LIPA: variants seen among roughly 807,000 people sequenced by gnomAD.
LIPA encodes the protein lipase A, lysosomal acid type, also known as lysosomal acid lipase/cholesteryl ester hydrolase.
Under a neutral mutation model 40.6 loss-of-function variants are expected in LIPA, and 26 were observed. That is an observed-to-expected ratio of 0.64 (90% CI 0.47 to 0.89). The LOEUF (loss-of-function observed/expected upper bound fraction) is 0.89, where lower values mean the gene tolerates loss of function less well. Ranked by LOEUF, LIPA falls within the 40% of genes least tolerant of loss-of-function variation. LIPA has a pLI of 0.00. For missense variants in LIPA, 455 were observed against 479.6 expected (o/e 0.95, Z 0.48); for synonymous variants, 188 against 168.4 (o/e 1.12, Z -0.90).
chr10:89,323,214 G>T (rs2133533812), intron 1 of LIPA, among the ~76,000 whole-genome samples: 1 of 152,222 alleles, frequency 6.6e-6, no homozygotes. Flanking sequence ...AATAGATACA[G>T]AAAAGGCTTT....
intron 2 of LIPA, among the ~76,000 whole-genome samples, chr10:89,397,031 G>C (rs896763057): frequency 6.6e-6 from 1 of 151,968 alleles, no homozygotes; most frequent in East Asian, 1.9e-4. Flanking sequence ...TATAAAATAG[G>C]GTCGTGTTTT....
chr10:89,271,556 G>T (rs1327662604), intron 1 of LIPA, among the ~76,000 whole-genome samples: 2 of 152,224 alleles, frequency 1.3e-5, no homozygotes, highest in Non-Finnish European at 2.9e-5. Flanking sequence ...GTAAGGAGGA[G>T]TATGGTGGCT....
chr10:89,260,570 C>T (rs1364267060), intron 1 of LIPA, among the ~76,000 whole-genome samples: 2 of 152,188 alleles, frequency 1.3e-5, no homozygotes, highest in East Asian at 3.9e-4. Flanking sequence ...CGTGTCTGGG[C>T]CTATGCACGC....
intron 5 of LIPA, 69 bp downstream of exon 5, chr10:89,226,826 C>A: frequency 1.1e-6 from 1 of 936,930 alleles, no homozygotes; most frequent in Non-Finnish European, 1.7e-6. Context: ...TTATATTTCA[C>A]TTTTAAGAAA....
At chr10:89,222,851 T>C (rs952979553) in intron 7 of LIPA, among the ~76,000 whole-genome samples, 1 of 152,240 alleles carries the variant, frequency 6.6e-6, no homozygotes, top group African/African-American at 2.4e-5. Context: ...ATTTTGTTCT[T>C]CATGCTTTCC....
At chr10:89,378,027 A>ATAAGCACC in intron 2 of LIPA, 1 of 1,197,122 alleles carries the variant, frequency 8.4e-7, no homozygotes, top group Non-Finnish European at 1.2e-6. Context: ...CCTCCCATAT[A>ATAAGCACC]TAAGCACCAT....
intron 1 of LIPA, among the ~76,000 whole-genome samples, chr10:89,282,501 A>C (rs1273346785): frequency 6.6e-6 from 1 of 152,052 alleles, no homozygotes; most frequent in Non-Finnish European, 1.5e-5. Flanking sequence ...TTAGCCGGGC[A>C]TGGTGGTGCA....
At chr10:89,402,470 A>G in intron 2 of LIPA, 1 of 1,614,214 alleles carries the variant, frequency 6.2e-7, no homozygotes, top group African/African-American at 1.3e-5. Flanking sequence ...AACACCTGAA[A>G]GGCCAGAATG....
intron 1 of LIPA, chr10:89,305,995 A>G (rs1383874196): frequency 8.7e-6 from 14 of 1,613,788 alleles, no homozygotes; most frequent in East Asian, 2.2e-5. Context: ...AGAGCAGCCT[A>G]CGGCAACTAA....
intron 3 of LIPA, among the ~76,000 whole-genome samples, chr10:89,239,625 A>C (rs1842942877): frequency 6.6e-6 from 1 of 152,232 alleles, no homozygotes; most frequent in South Asian, 2.1e-4. Context: ...CATGCCTCAG[A>C]ATGCTGTTTT....
chr10:89,321,959 T>C (rs1173938511), intron 1 of LIPA, among the ~76,000 whole-genome samples: 2 of 151,972 alleles, frequency 1.3e-5, no homozygotes, highest in African/African-American at 2.4e-5. Context: ...CTGAGCAAAC[T>C]ATCGCAAGGA....
At chr10:89,380,628 T>A (rs1053465968) in intron 2 of LIPA, among the ~76,000 whole-genome samples, 1 of 152,146 alleles carries the variant, frequency 6.6e-6, no homozygotes, top group Admixed American at 6.5e-5. Context: ...AGACATGGTT[T>A]CGCTATGTTG....
At position 89,224,988 on chromosome 10, in the gene LIPA, A is replaced by G. The variant is rs936993968; in HGVS notation, c.675+104T>C. On this transcript the variant is annotated intron_variant, in intron 6 of 9. Transcript: ENST00000336233. ...AAAGCCCACTGCTCCACTGATATCAAAACGCAGGGGAGGAAGGCACAGATT... is the reference window on the plus strand; with the variant it reads ...AAAGCCCACTGCTCCACTGATATCAGAACGCAGGGGAGGAAGGCACAGATT... The G allele has an allele frequency of 7.9e-5, 111 of 1,401,928 alleles. 6 individuals are homozygous for G. Among genetic ancestry groups the G allele is most frequent in the Admixed American group, 3.4e-5 (2 of 59,652 alleles). The allele number at this position is 1,401,928 out of a possible 1,614,324, so 86.8% of individuals were successfully genotyped here. A position where few individuals can be genotyped will look rare whatever the true frequency, so the allele number is the denominator to read the frequency against.
At chr10:89,293,712 GAGAT>G (rs1341115597) in intron 1 of LIPA, 1 of 149,296 alleles carries the variant, frequency 6.7e-6, no homozygotes, top group African/African-American at 2.5e-5. Flanking sequence ...GAGAGAGAGA[GAGAT>G]ATCTGAGGTC....
At chr10:89,298,388 C>T (rs578138801) in intron 1 of LIPA, among the ~76,000 whole-genome samples, 2 of 152,208 alleles carry the variant, frequency 1.3e-5, no homozygotes, top group Non-Finnish European at 2.9e-5. Context: ...CCACCCTAAA[C>T]CATCAAGGAA....
At chr10:89,410,328 T>C (rs1841458452) in intron 2 of LIPA, among the ~76,000 whole-genome samples, 1 of 152,194 alleles carries the variant, frequency 6.6e-6, no homozygotes, top group African/African-American at 2.4e-5. Context: ...CAAATACCTA[T>C]ATGCGTGGCC....
In LIPA at chr10:89,333,558, G is replaced by A. The variant is rs76823443; in HGVS notation, c.-2+9053C>T. Among the ~76,000 whole-genome samples, 1,158 of 152,270 alleles carry A rather than the reference G, an allele frequency of 7.6e-3. 32 individuals carry two copies. In the East Asian group the frequency reaches 0.093, roughly 12 times the overall value. ...TTGAAATAAAGCAAAGCTTGTTTCTGGGCACAGTGGCTAAGCCTGTAATCC... is the reference window on the plus strand; with the variant it reads ...TTGAAATAAAGCAAAGCTTGTTTCTAGGCACAGTGGCTAAGCCTGTAATCC... On this transcript the variant is annotated intron_variant, in intron 1 of 5. Transcript: ENST00000282673.
At chr10:89,390,281 C>A (rs147547890) in intron 2 of LIPA, among the ~76,000 whole-genome samples, 3 of 152,324 alleles carry the variant, frequency 2.0e-5, no homozygotes, top group Admixed American at 1.3e-4. Context: ...CCACTGTGCC[C>A]AGGCTGAAGA....
intron 6 of LIPA, among the ~76,000 whole-genome samples, chr10:89,224,495 A>T (rs1190558144): frequency 1.3e-5 from 2 of 152,216 alleles, no homozygotes; most frequent in Non-Finnish European, 2.9e-5. Flanking sequence ...GTGTGTGAAC[A>T]TATATTTCAT....
Sources: allele counts gnomAD v4.1 joint callset (sites outside exome capture counted in the v4.1 genomes callset), GRCh38; gene constraint gnomAD v4.1.1; transcripts MANE v1.5; gene names NCBI Gene and HGNC (gene_info 2026-07-23, HGNC 2026-07-21).